Variants in GRM3 observed in about 807,000 individuals in gnomAD.
GRM3 encodes the protein glutamate metabotropic receptor 3, also known as metabotropic glutamate receptor 3.
In GRM3, 26 loss-of-function variants were observed where a neutral mutation model predicts 70.5. The observed-to-expected ratio is 0.37, with a 90% CI of 0.27 to 0.51. The LOEUF is 0.51. Ranked by LOEUF, GRM3 falls within the 20% of genes least tolerant of loss-of-function variation. The probability of loss-of-function intolerance (pLI) is 0.93; values close to 1 mark genes in which losing one functional copy is unlikely to be tolerated. For missense variants in GRM3, 859 were observed against 1,123.8 expected, an observed-to-expected ratio of 0.76 and a Z score of 3.37; for synonymous variants, 443 against 434.9, an observed-to-expected ratio of 1.02 and a Z score of -0.23.
At chr7:86,843,819 G>A (rs1798603711) in intron 4 of GRM3, among the ~76,000 whole-genome samples, 1 of 152,110 alleles carries the variant, frequency 6.6e-6, no homozygotes, top group African/African-American at 2.4e-5. Context: ...TGAAAATGCA[G>A]GCTTATTCAG....
rs889602376 is a variant in GRM3 at position 86,786,200 on chromosome 7, T to C, written c.469-61T>C. 20 of 1,435,558 alleles carry C rather than the reference T, an allele frequency of 1.4e-5. No individual in the cohort carries two copies. The African/African-American group carries it at 1.7e-4, about 12-fold the overall frequency. 88.9% of individuals were successfully genotyped at this position (1,435,558 alleles called of 1,614,324 possible). ...AAAAGGTGTGGATGCTATTATTCAT[T>C]TTCATGTCCAGTCATCTACCTCGGG... On this transcript the variant is annotated intron_variant, in intron 2 of 5. Transcript: ENST00000361669. The surrounding 1 kb of genome is among the most constrained non-coding windows in gnomAD (Gnocchi z 6.0).
chr7:86,765,390 A>T lies in GRM3; in HGVS notation c.245A>T (p.Asp82Val), dbSNP rs1424841426. Residue 82 changes from aspartate (D) to valine (V), a missense_variant, in exon 2 of 6, where the codon GAT becomes GTT. Transcript: ENST00000361669. ...MLFAIDEINK[D>V]DYLLPGVKLG... ...TTTGCTATTGATGAAATCAACAAAGATGATTACTTGCTACCAGGAGTGAAG... is the reference window on the plus strand; with the variant it reads ...TTTGCTATTGATGAAATCAACAAAGTTGATTACTTGCTACCAGGAGTGAAG... 1.2e-6 allele frequency: 2 copies of T among 1,613,822 alleles called. No homozygotes were observed. The highest frequency in any genetic ancestry group is 1.7e-6 in the Non-Finnish European group (2 of 1,179,880).
chr7:86,737,232 A>C (rs1273742179), intron 1 of GRM3, among the ~76,000 whole-genome samples: 1 of 152,208 alleles, frequency 6.6e-6, no homozygotes, highest in Non-Finnish European at 1.5e-5. Context: ...ATGTTTAATA[A>C]GTGCTTTCTA....
At chr7:86,806,332 C>G (rs1171835321) in intron 3 of GRM3, among the ~76,000 whole-genome samples, 1 of 152,176 alleles carries the variant, frequency 6.6e-6, no homozygotes, top group Non-Finnish European at 1.5e-5. Context: ...ACACTGACTT[C>G]CACAATGGTT....
At position 86,686,481 on chromosome 7, in the gene GRM3, C is replaced by T. The variant is rs566007503; in HGVS notation, c.-141+41609C>T. On this transcript the variant is annotated intron_variant, in intron 1 of 5. Coordinates refer to ENST00000361669, the MANE Select transcript of GRM3 (RefSeq NM_000840.3). ...GGGGGTTGCAAAGATATTTCAGAGA[C>T]GTTTTTAAGGAAAAACAGTTTAGTA... 1.2e-4 allele frequency among the ~76,000 whole-genome samples: 19 copies of T among 152,270 alleles called. No homozygotes were observed. In the East Asian group the frequency reaches 1.9e-3, roughly 15 times the overall value.
chr7:86,702,307 G>T (rs1562831012), intron 1 of GRM3, among the ~76,000 whole-genome samples: 1 of 151,970 alleles, frequency 6.6e-6, no homozygotes, highest in South Asian at 2.1e-4. Context: ...GGGTTGATCA[G>T]CCTGGCTGGT....
intron 1 of GRM3, among the ~76,000 whole-genome samples, chr7:86,696,318 A>G (rs1283477708): frequency 1.3e-5 from 2 of 152,162 alleles, no homozygotes; most frequent in African/African-American, 2.4e-5. Flanking sequence ...CTTATAAGAG[A>G]GAAACAGGAA....
chr7:86,644,403 G>A lies in GRM3; in HGVS notation c.-610G>A, dbSNP rs1398998082. On this transcript the variant is annotated 5_prime_UTR_variant, in exon 1 of 6. Coordinates refer to ENST00000361669, the MANE Select transcript of GRM3 (RefSeq NM_000840.3). ...GCCAAGAGTCCCAATTAGATGCGAC[G>A]GCTTCAGCCTGGTCAAGGTGAAGGA... 6 of 320,198 alleles carry A rather than the reference G, an allele frequency of 1.9e-5. No homozygotes were observed. The highest frequency in any genetic ancestry group is 1.8e-4 in the Admixed American group (4 of 21,830). The allele number at this position is 320,198 out of a possible 1,614,324, so 19.8% of individuals were successfully genotyped here. A position where few individuals can be genotyped will look rare whatever the true frequency, so the allele number is the denominator to read the frequency against.
chr7:86,644,710 C>A lies in GRM3; in HGVS notation c.-303C>A. 1 of 1,049,010 alleles carries A rather than the reference C, an allele frequency of 9.5e-7. No individual in the cohort carries two copies. The highest frequency in any genetic ancestry group is 1.3e-6 in the Non-Finnish European group (1 of 768,694). 65.0% of individuals were successfully genotyped at this position (1,049,010 alleles called of 1,614,324 possible). A position where few individuals can be genotyped will look rare whatever the true frequency, so the allele number is the denominator to read the frequency against. On this transcript the variant is annotated 5_prime_UTR_variant, in exon 1 of 6. Transcript: ENST00000361669. ...GCGCACAAGTTGGCCATTTCGAGGG[C>A]AAAATAAGTTCTCCCTTGGATTTGG...
intron 4 of GRM3, among the ~76,000 whole-genome samples, chr7:86,847,310 A>G (rs961143395): frequency 5.3e-5 from 8 of 152,188 alleles, no homozygotes; most frequent in African/African-American, 1.9e-4. Context: ...TGGATGTGTA[A>G]GTGTAAAGGC....
chr7:86,860,737 G>T (rs1679179236), intron 5 of GRM3, among the ~76,000 whole-genome samples: 1 of 152,140 alleles, frequency 6.6e-6, no homozygotes, highest in South Asian at 2.1e-4. Context: ...TTTTATACTA[G>T]AACTTGAGGA....
At position 86,851,803 on chromosome 7, in the gene GRM3, G is replaced by A. The variant is rs567810990; in HGVS notation, c.2566+1259G>A. Among the ~76,000 whole-genome samples, 5 of 152,218 alleles carry A rather than the reference G, an allele frequency of 3.3e-5. No individual in the cohort carries two copies. The South Asian group carries it at 8.3e-4, about 25-fold the overall frequency. On this transcript the variant is annotated intron_variant, in intron 5 of 5. Coordinates refer to ENST00000361669, the MANE Select transcript of GRM3 (RefSeq NM_000840.3). ...AGGGCATGGCAAAGCCTGTGAGGTC[G>A]TTTTCCATGGATCTTAGAGAAATAT...
chr7:86,780,785 G>A (rs1210313286), intron 2 of GRM3, among the ~76,000 whole-genome samples: 3 of 152,116 alleles, frequency 2.0e-5, no homozygotes, highest in African/African-American at 7.2e-5. Context: ...GTCAGTAAAC[G>A]AATGTTTATG....
intron 1 of GRM3, among the ~76,000 whole-genome samples, chr7:86,707,999 A>G (rs1007826517): frequency 1.3e-5 from 2 of 152,168 alleles, no homozygotes; most frequent in African/African-American, 4.8e-5. Context: ...CATAAAGGTT[A>G]TATAATTAGC....
intron 1 of GRM3, among the ~76,000 whole-genome samples, chr7:86,699,318 T>C (rs1794898426): frequency 6.6e-6 from 1 of 152,072 alleles, no homozygotes; most frequent in Non-Finnish European, 1.5e-5. Flanking sequence ...ATCCACCCCT[T>C]GTGAGTTATA....
At chr7:86,806,877 A>G (rs1455404839) in intron 3 of GRM3, among the ~76,000 whole-genome samples, 3 of 151,592 alleles carry the variant, frequency 2.0e-5, no homozygotes, top group African/African-American at 7.3e-5. Context: ...TTATGGTTTT[A>G]GGTCTAACAC....
Position 86,785,685 on chromosome 7 carries a change from A to ATTTTTTTTTTTTTTTTTTTTTTTTTTTTT in GRM3, c.469-571_469-543dup, listed in dbSNP as rs749456155. ...TTGGGTGGTGGACTAAATAGAATTG[A>ATTTTTTTTTTTTTTTTTTTTTTTTTTTTT]TTTTTTTTTTTTTTTTTTTTTTTTT... is the stretch of plus-strand genomic sequence containing the variant. On this transcript the variant is annotated intron_variant, in intron 2 of 5. Transcript: ENST00000361669. Among the ~76,000 whole-genome samples, 5 of 65,234 alleles carry ATTTTTTTTTTTTTTTTTTTTTTTTTTTTT rather than the reference A, an allele frequency of 7.7e-5. 1 individual carries two copies. Among genetic ancestry groups the ATTTTTTTTTTTTTTTTTTTTTTTTTTTTT allele is most frequent in the African/African-American group, 1.1e-4 (2 of 18,002 alleles). 42.8% of individuals were successfully genotyped at this position (65,234 alleles called of 152,430 possible).
rs147547323 is a variant in GRM3 at position 86,842,589 on chromosome 7, T to C, written c.2391+2684T>C. The stretch of plus-strand genomic sequence containing the variant: ...TTTAAAATTTCCCAGAGGAAAATCG[T>C]GTGGTTCGGACAGAATTAGCAGCAA... On this transcript the variant is annotated intron_variant, in intron 4 of 5. Coordinates refer to ENST00000361669, the MANE Select transcript of GRM3 (RefSeq NM_000840.3). 1.6e-4 allele frequency among the ~76,000 whole-genome samples: 24 copies of C among 152,238 alleles called. No homozygotes were observed. In the East Asian group the frequency reaches 4.6e-3, roughly 29 times the overall value.
intron 2 of GRM3, among the ~76,000 whole-genome samples, chr7:86,770,713 A>C (rs1796718211): frequency 6.6e-6 from 1 of 152,118 alleles, no homozygotes; most frequent in African/African-American, 2.4e-5. Flanking sequence ...GTCACACATT[A>C]ATTGCCAGTT....
Sources: gnomAD v4.1 joint callset for allele counts (sites outside exome capture counted in the v4.1 genomes callset) on GRCh38, gnomAD v4.1.1 for gene constraint, Gnocchi (gnomAD v3.1) non-coding constraint, MANE v1.5 for transcripts, NCBI Gene and HGNC (gene_info 2026-07-23, HGNC 2026-07-21) for gene names.